CDH12: variants seen among roughly 807,000 people sequenced by gnomAD.
CDH12 encodes the protein cadherin-12.
CDH12 carries 41 observed loss-of-function variants against 74.1 expected under a neutral mutation model. The observed-to-expected ratio is 0.55, with a 90% CI of 0.43 to 0.72. CDH12 has a LOEUF of 0.72. CDH12 is among the 30% of genes least tolerant of loss of function. The probability of loss-of-function intolerance (pLI) is 0.00; values close to 1 mark genes in which losing one functional copy is unlikely to be tolerated. For synonymous variants in CDH12, 399 were observed against 355.0 expected, an observed-to-expected ratio of 1.12 and a Z score of -1.39; for missense variants, 945 against 977.2, an observed-to-expected ratio of 0.97 and a Z score of 0.44.
chr5:22,231,998 C>T (rs1388711003), intron 3 of CDH12, among the ~76,000 whole-genome samples: 1 of 151,688 alleles, frequency 6.6e-6, no homozygotes, highest in Non-Finnish European at 1.5e-5. Context: ...TTATACATTG[C>T]CTAAAATATT....
chr5:22,155,631 T>C (rs115125393), intron 4 of CDH12, among the ~76,000 whole-genome samples: 4,141 of 152,240 alleles, frequency 0.027, 83 homozygotes, highest in Middle Eastern at 0.065. Context: ...ATTGAACATA[T>C]ATGTTTTAAA....
At chr5:22,712,440 A>G (rs1743337369) in intron 1 of CDH12, among the ~76,000 whole-genome samples, 1 of 151,986 alleles carries the variant, frequency 6.6e-6, no homozygotes, top group Non-Finnish European at 1.5e-5. Flanking sequence ...CTCCCCTTTT[A>G]AATCTACTCT....
chr5:22,193,752 G>A (rs550158237), intron 4 of CDH12, among the ~76,000 whole-genome samples: 44 of 151,866 alleles, frequency 2.9e-4, no homozygotes, highest in African/African-American at 9.2e-4. Context: ...AAAAACCCAC[G>A]AGGGTTGCTG....
At chr5:22,798,100 A>G (rs1358884511) in intron 1 of CDH12, among the ~76,000 whole-genome samples, 1 of 152,126 alleles carries the variant, frequency 6.6e-6, no homozygotes, top group Middle Eastern at 3.2e-3. Flanking sequence ...TAACACTTAT[A>G]TATTATTCTT....
intron 2 of CDH12, among the ~76,000 whole-genome samples, chr5:22,458,650 G>A (rs1198883456): frequency 2.0e-5 from 3 of 152,068 alleles, no homozygotes; most frequent in African/African-American, 7.2e-5. Context: ...TCACAAAATT[G>A]ATATGCTTTC....
At chr5:22,090,217 A>C (rs1743328121) in intron 4 of CDH12, among the ~76,000 whole-genome samples, 1 of 151,994 alleles carries the variant, frequency 6.6e-6, no homozygotes, top group Admixed American at 6.6e-5. Context: ...TCAACCTTCT[A>C]ACAATTAAAA....
chr5:22,651,251 T>A (rs1739721065), intron 1 of CDH12, among the ~76,000 whole-genome samples: 1 of 152,054 alleles, frequency 6.6e-6, no homozygotes, highest in African/African-American at 2.4e-5. Context: ...ATATCCATTC[T>A]CTGCTCTATT....
chr5:22,217,199 T>G (rs768781265), intron 3 of CDH12, among the ~76,000 whole-genome samples: 5 of 151,814 alleles, frequency 3.3e-5, no homozygotes, highest in African/African-American at 4.8e-5. Flanking sequence ...AAAAAATTGC[T>G]AAGGTCAGGA....
intron 4 of CDH12, among the ~76,000 whole-genome samples, chr5:22,166,833 G>A (rs1216866560): frequency 2.0e-5 from 3 of 151,970 alleles, no homozygotes; most frequent in Non-Finnish European, 2.9e-5. Flanking sequence ...ACTCCCTAGC[G>A]AGAAAGAATA....
At chr5:22,756,239 T>A (rs1464382190) in intron 1 of CDH12, among the ~76,000 whole-genome samples, 1 of 151,944 alleles carries the variant, frequency 6.6e-6, no homozygotes, top group Non-Finnish European at 1.5e-5. Context: ...AAATAATGAG[T>A]TACAAAATAC....
At chr5:22,169,128 C>T (rs1001305008) in intron 4 of CDH12, among the ~76,000 whole-genome samples, 2 of 151,886 alleles carry the variant, frequency 1.3e-5, no homozygotes, top group African/African-American at 2.4e-5. Flanking sequence ...CCCTCTCTCT[C>T]TGCCTTTCTG....
rs1349727330 is a variant in CDH12, at chr5:22,624,466, AAAAC to A, written c.-522-119106_-522-119103del. 3.3e-5 allele frequency among the ~76,000 whole-genome samples: 5 copies of A among 152,330 alleles called. No individual in the cohort carries two copies. In the East Asian group the frequency reaches 7.7e-4, roughly 24 times the overall value. ...AGAACTCAAACAAATTTACAAGAAAAAAACAAACAACCTCCATCAAAATGTGGAT... is the reference window on the plus strand; with the variant it reads ...AGAACTCAAACAAATTTACAAGAAAAAAACAACCTCCATCAAAATGTGGAT... On this transcript the variant is annotated intron_variant, in intron 1 of 14. Coordinates refer to ENST00000382254, the MANE Select transcript of CDH12 (RefSeq NM_004061.5).
At chr5:22,261,831 C>T (rs953596001) in intron 3 of CDH12, among the ~76,000 whole-genome samples, 6 of 147,672 alleles carry the variant, frequency 4.1e-5, no homozygotes, top group African/African-American at 1.5e-4. Flanking sequence ...AAGAAAATAA[C>T]ACTAACATAT....
At chr5:22,437,572 A>AATAAATAAATAAAT (rs368568890) in intron 2 of CDH12, among the ~76,000 whole-genome samples, 1 of 150,540 alleles carries the variant, frequency 6.6e-6, no homozygotes, top group African/African-American at 2.4e-5. Flanking sequence ...TAAATAAATA[A>AATAAATAAATAAAT]AAATAATTCC....
intron 10 of CDH12, 24 bp downstream of exon 10, chr5:21,802,143 A>G (rs569820544): frequency 2.1e-5 from 34 of 1,581,896 alleles, no homozygotes; most frequent in Middle Eastern, 1.9e-4. Flanking sequence ...TGAAACATAG[A>G]AAAAAAATGT....
chr5:22,091,193 GTGTGTA>G (rs1268226913), intron 4 of CDH12, among the ~76,000 whole-genome samples: 1 of 127,440 alleles, frequency 7.8e-6, no homozygotes, highest in Admixed American at 7.9e-5. Flanking sequence ...GTGTGTGTGT[GTGTGTA>G]TATATATATA....
intron 1 of CDH12, among the ~76,000 whole-genome samples, chr5:22,551,041 C>T (rs1738540976): frequency 6.6e-6 from 1 of 152,132 alleles, no homozygotes; most frequent in African/African-American, 2.4e-5. Flanking sequence ...ACTTTCTCAC[C>T]ACACAGTACT....
At chr5:22,801,158 C>T (rs894769976) in intron 1 of CDH12, among the ~76,000 whole-genome samples, 1 of 152,160 alleles carries the variant, frequency 6.6e-6, no homozygotes, top group African/African-American at 2.4e-5. Flanking sequence ...GCATTACCTC[C>T]AGCAATGAAG....
chr5:22,516,534 C>T (rs1403941041), intron 1 of CDH12, among the ~76,000 whole-genome samples: 4 of 152,134 alleles, frequency 2.6e-5, no homozygotes, highest in Non-Finnish European at 1.5e-5. Flanking sequence ...GTGGGTCACA[C>T]CTGTAATCCC....
Sources: gnomAD v4.1 joint callset for allele counts (sites outside exome capture counted in the v4.1 genomes callset) on GRCh38, gnomAD v4.1.1 for gene constraint, MANE v1.5 for transcripts, NCBI Gene and HGNC (gene_info 2026-07-23, HGNC 2026-07-21) for gene names.